CDH12: variants seen among roughly 807,000 people sequenced by gnomAD.
CDH12 encodes cadherin 12, also known as cadherin-12.
In CDH12, 41 loss-of-function variants were observed where a neutral mutation model predicts 74.1. That is an observed-to-expected ratio of 0.55 (90% CI 0.43 to 0.72). The LOEUF is 0.72. Among genes scored for constraint, CDH12 ranks in the 30% least tolerant of loss-of-function variants. The probability of loss-of-function intolerance (pLI) is 0.00; values close to 1 mark genes in which losing one functional copy is unlikely to be tolerated. For missense variants in CDH12, 945 were observed against 977.2 expected, an observed-to-expected ratio of 0.97 and a Z score of 0.44; for synonymous variants, 399 against 355.0, an observed-to-expected ratio of 1.12 and a Z score of -1.39.
chr5:22,433,452 G>A (rs543072490), intron 2 of CDH12, among the ~76,000 whole-genome samples: 6 of 152,076 alleles, frequency 3.9e-5, no homozygotes, highest in East Asian at 1.9e-4. Context: ...ATATTAAAAC[G>A]TATAGGGATG....
chr5:22,661,516 A>T (rs964014634), intron 1 of CDH12, among the ~76,000 whole-genome samples: 1 of 152,166 alleles, frequency 6.6e-6, no homozygotes, highest in Non-Finnish European at 1.5e-5. Flanking sequence ...TTAAAAAGGT[A>T]AACTTTTTAT....
intron 5 of CDH12, among the ~76,000 whole-genome samples, chr5:22,027,673 T>C (rs1485330990): frequency 3.3e-5 from 5 of 152,158 alleles, no homozygotes; most frequent in Admixed American, 3.3e-4. Context: ...CCCTTTATCA[T>C]TTTTTATTGT....
intron 3 of CDH12, among the ~76,000 whole-genome samples, chr5:22,360,108 C>CA (rs1407228603): frequency 2.0e-5 from 3 of 151,668 alleles, no homozygotes; most frequent in African/African-American, 7.3e-5. Flanking sequence ...GATAGAGACA[C>CA]AAAAAAACCT....
At chr5:22,235,617 A>G (rs963918005) in intron 3 of CDH12, among the ~76,000 whole-genome samples, 1 of 152,002 alleles carries the variant, frequency 6.6e-6, no homozygotes, top group Non-Finnish European at 1.5e-5. Flanking sequence ...AAAACAAATT[A>G]TCTTATATAA....
chr5:22,195,746 T>C (rs1750578666), intron 4 of CDH12, among the ~76,000 whole-genome samples: 2 of 152,218 alleles, frequency 1.3e-5, no homozygotes, highest in African/African-American at 4.8e-5. Flanking sequence ...GGGATTTCTC[T>C]TTCTCTACAA....
At chr5:22,522,443 G>C (rs927477000) in intron 1 of CDH12, among the ~76,000 whole-genome samples, 5 of 152,138 alleles carry the variant, frequency 3.3e-5, no homozygotes, top group Admixed American at 2.6e-4. Context: ...TGTTGCTTGG[G>C]AAAATTGTTG....
chr5:21,946,431 T>C (rs1561319627), intron 6 of CDH12, among the ~76,000 whole-genome samples: 1 of 152,202 alleles, frequency 6.6e-6, no homozygotes, highest in Non-Finnish European at 1.5e-5. Flanking sequence ...CCTGGTTGGA[T>C]GCTCAAGGAA....
chr5:22,756,120 GA>G (rs1312513444), intron 1 of CDH12, among the ~76,000 whole-genome samples: 81 of 96,952 alleles, frequency 8.4e-4, no homozygotes, highest in African/African-American at 2.9e-3. Context: ...AAAAAAAAAA[GA>G]AAGAAAGAAA....
chr5:22,698,728 T>TAG, intron 1 of CDH12, among the ~76,000 whole-genome samples: 1 of 15,130 alleles, frequency 6.6e-5, no homozygotes, highest in African/African-American at 2.4e-4. Context: ...TATATATATA[T>TAG]ATATATAGTG....
chr5:22,100,664 C>CACACACACAA lies in CDH12; in HGVS notation c.-186-21803_-186-21802insTTGTGTGTGT, dbSNP rs1217014330. On this transcript the variant is annotated intron_variant, in intron 4 of 14. Coordinates refer to ENST00000382254, the MANE Select transcript of CDH12 (RefSeq NM_004061.5). The stretch of plus-strand genomic sequence containing the variant: ...ATGCCATACATTAGACACACACACA[C>CACACACACAA]ACACACACACACACACACACACATA... Among the ~76,000 whole-genome samples, 6 of 151,344 alleles carry CACACACACAA rather than the reference C, an allele frequency of 4.0e-5. 1 individual carries two copies. Among genetic ancestry groups the CACACACACAA allele is most frequent in the African/African-American group, 1.5e-4 (6 of 41,284 alleles).
At chr5:22,743,273 T>TATAC (rs138579102) in intron 1 of CDH12, among the ~76,000 whole-genome samples, 22,937 of 144,676 alleles carry the variant, frequency 0.16, 2,037 homozygotes, top group African/African-American at 0.22. Flanking sequence ...TATATATATA[T>TATAC]ATATATATGT....
chr5:22,074,427 CA>C (rs1488737757), intron 5 of CDH12, among the ~76,000 whole-genome samples: 1 of 152,040 alleles, frequency 6.6e-6, no homozygotes, highest in East Asian at 1.9e-4. Context: ...ACTAAAACAC[CA>C]AAAGCAATGG....
chr5:22,665,625 C>CAG (rs370108672), intron 1 of CDH12, among the ~76,000 whole-genome samples: 36 of 152,242 alleles, frequency 2.4e-4, no homozygotes, highest in African/African-American at 8.4e-4. Context: ...ATCTTCTTTT[C>CAG]AGATACATCT....
At chr5:22,658,881 A>T (rs1036082490) in intron 1 of CDH12, among the ~76,000 whole-genome samples, 1 of 152,144 alleles carries the variant, frequency 6.6e-6, no homozygotes, top group Non-Finnish European at 1.5e-5. Context: ...CTTCCATCAT[A>T]CTACTACTTT....
At chr5:22,198,904 G>GT (rs1224731154) in intron 4 of CDH12, among the ~76,000 whole-genome samples, 5 of 102,436 alleles carry the variant, frequency 4.9e-5, no homozygotes, top group African/African-American at 1.4e-4. Context: ...TATTTATTTA[G>GT]TAAAAAAAGC....
At chr5:22,474,976 G>T (rs1746109086) in intron 2 of CDH12, among the ~76,000 whole-genome samples, 1 of 151,458 alleles carries the variant, frequency 6.6e-6, no homozygotes, top group South Asian at 2.1e-4. Context: ...TGAAGTCCAG[G>T]TTAGATAGAT....
intron 1 of CDH12, among the ~76,000 whole-genome samples, chr5:22,587,048 C>G (rs1455223367): frequency 2.0e-5 from 3 of 151,838 alleles, no homozygotes; most frequent in Non-Finnish European, 4.4e-5. Context: ...GTTGACCAGG[C>G]TGGTCTCGAA....
intron 1 of CDH12, among the ~76,000 whole-genome samples, chr5:22,620,301 T>C (rs977759261): frequency 7.9e-5 from 12 of 151,972 alleles, no homozygotes; most frequent in African/African-American, 2.7e-4. Flanking sequence ...GACAGAATGG[T>C]GATGAAGAAT....
intron 8 of CDH12, among the ~76,000 whole-genome samples, chr5:21,828,684 C>A (rs1748819774): frequency 1.3e-5 from 2 of 152,102 alleles, no homozygotes; most frequent in African/African-American, 4.8e-5. Context: ...CATTTTCTGT[C>A]TTTTCCCGCA....
Sources: gnomAD v4.1 joint callset for allele counts (sites outside exome capture counted in the v4.1 genomes callset) on GRCh38, gnomAD v4.1.1 for gene constraint, MANE v1.5 for transcripts, NCBI Gene and HGNC (gene_info 2026-07-23, HGNC 2026-07-21) for gene names.